NCOA2: variants seen among roughly 807,000 people sequenced by gnomAD.
The protein encoded by NCOA2 is class E basic helix-loop-helix protein 75.
NCOA2 carries 21 observed loss-of-function variants against 145.1 expected under a neutral mutation model. The observed-to-expected ratio is 0.14, with a 90% CI of 0.10 to 0.21. The LOEUF (loss-of-function observed/expected upper bound fraction) is 0.21. NCOA2 is among the 10% of genes least tolerant of loss of function. The pLI, the probability that NCOA2 is intolerant of heterozygous loss-of-function variation, is 1.00. For synonymous variants in NCOA2, 619 were observed against 637.5 expected (o/e 0.97, Z 0.44); for missense variants, 1,472 against 1,837.6 (o/e 0.80, Z 3.64).
intron 1 of NCOA2, among the ~76,000 whole-genome samples, chr8:70,364,058 A>T (rs941609354): frequency 1.3e-5 from 2 of 152,094 alleles, no homozygotes; most frequent in African/African-American, 4.8e-5. Flanking sequence ...GAAAAAAAAA[A>T]TGCTGAAGAG....
At chr8:70,438,669 C>T in the NCOA2 span, among the ~76,000 whole-genome samples, 11 of 152,234 alleles carry the variant, frequency 7.2e-5, no homozygotes, top group East Asian at 2.1e-3. Context: ...GGACTCGTTG[C>T]CATTGAATTT....
At chr8:70,123,785 G>T in intron 21 of NCOA2, 99 bp downstream of exon 21, 4 of 965,808 alleles carry the variant, frequency 4.1e-6, no homozygotes, top group Non-Finnish European at 5.9e-6. Flanking sequence ...TGTGGGAGTT[G>T]GTGGCTAAAG....
chr8:70,388,923 T>G (rs1812919485), intron 1 of NCOA2, among the ~76,000 whole-genome samples: 1 of 152,146 alleles, frequency 6.6e-6, no homozygotes, highest in Non-Finnish European at 1.5e-5. Flanking sequence ...TCTCAGTGAA[T>G]TTTTGCACAT....
chr8:70,261,583 A>G (rs924073070), intron 2 of NCOA2, among the ~76,000 whole-genome samples: 1 of 152,038 alleles, frequency 6.6e-6, no homozygotes, highest in African/African-American at 2.4e-5. Flanking sequence ...CTAAAACTTA[A>G]AGTATAATAA....
intron 1 of NCOA2, among the ~76,000 whole-genome samples, chr8:70,323,601 T>C (rs1806287734): frequency 6.6e-6 from 1 of 152,190 alleles, no homozygotes; most frequent in Non-Finnish European, 1.5e-5. Context: ...TTAAGTCCTT[T>C]GCTAATTATT....
intron 3 of NCOA2, among the ~76,000 whole-genome samples, chr8:70,214,995 C>T (rs1446206623): frequency 2.0e-5 from 3 of 152,146 alleles, no homozygotes; most frequent in South Asian, 4.1e-4. Flanking sequence ...TTCATATATG[C>T]ATCTCTAAAT....
intron 2 of NCOA2, among the ~76,000 whole-genome samples, chr8:70,287,900 G>A (rs749083925): frequency 6.6e-6 from 1 of 152,072 alleles, no homozygotes. Context: ...AAAATTACTA[G>A]TTAATTCTTT....
chr8:70,131,754 C>A, intron 16 of NCOA2, 83 bp downstream of exon 16: 2 of 1,380,928 alleles, frequency 1.4e-6, no homozygotes, highest in Non-Finnish European at 9.7e-7. Flanking sequence ...AAAAGCAGAC[C>A]GTGGAGTACC....
chr8:70,440,110 C>A, the NCOA2 span, among the ~76,000 whole-genome samples: 1 of 152,022 alleles, frequency 6.6e-6, no homozygotes, highest in Non-Finnish European at 1.5e-5. Flanking sequence ...CACTGTGAAG[C>A]CCCATCTCTA....
At chr8:70,132,743 T>G (rs1281039583) in intron 15 of NCOA2, among the ~76,000 whole-genome samples, 2 of 152,164 alleles carry the variant, frequency 1.3e-5, no homozygotes, top group African/African-American at 4.8e-5. Context: ...TTTTGTATTT[T>G]TTTGTAGAGA....
intron 4 of NCOA2, among the ~76,000 whole-genome samples, chr8:70,210,433 T>C (rs1476340184): frequency 6.6e-6 from 1 of 152,210 alleles, no homozygotes; most frequent in African/African-American, 2.4e-5. Context: ...CTCTATTTGA[T>C]GGCAGTCACA....
chr8:70,278,779 CA>C (rs533513113), intron 2 of NCOA2, among the ~76,000 whole-genome samples: 2 of 151,934 alleles, frequency 1.3e-5, no homozygotes, highest in Non-Finnish European at 2.9e-5. Context: ...CCAGGCTGGA[CA>C]AATGGCAAAA....
chr8:70,246,774 A>G (rs904464474), intron 2 of NCOA2, among the ~76,000 whole-genome samples: 1 of 152,256 alleles, frequency 6.6e-6, no homozygotes, highest in South Asian at 2.1e-4. Context: ...TATGAGTTTG[A>G]GTACTGTAGA....
At chr8:70,228,311 A>G (rs1194830282) in intron 2 of NCOA2, among the ~76,000 whole-genome samples, 3 of 152,206 alleles carry the variant, frequency 2.0e-5, no homozygotes, top group Non-Finnish European at 4.4e-5. Context: ...GCATATTGCT[A>G]TCATTGGGAT....
At chr8:70,361,321 C>T (rs1471214563) in intron 1 of NCOA2, among the ~76,000 whole-genome samples, 1 of 151,876 alleles carries the variant, frequency 6.6e-6, no homozygotes, top group Non-Finnish European at 1.5e-5. Flanking sequence ...ATGGTGAAAC[C>T]CTGTCTCTAT....
intron 9 of NCOA2, among the ~76,000 whole-genome samples, 158 bp from the exon 10 acceptor site, chr8:70,159,810 A>G (rs933861252): frequency 1.6e-4 from 25 of 152,262 alleles, no homozygotes; most frequent in Non-Finnish European, 2.5e-4. Context: ...AGATTGAAAC[A>G]TAACATTTTA....
At chr8:70,352,244 T>A (rs1449800699) in intron 1 of NCOA2, among the ~76,000 whole-genome samples, 2 of 152,128 alleles carry the variant, frequency 1.3e-5, no homozygotes, top group African/African-American at 4.8e-5. Flanking sequence ...GTTAGGTAAG[T>A]GCTATTATGT....
chr8:70,132,663 T>G (rs904158886), intron 15 of NCOA2, among the ~76,000 whole-genome samples: 2 of 152,056 alleles, frequency 1.3e-5, no homozygotes, highest in African/African-American at 4.8e-5. Context: ...CTCCCGGGCT[T>G]AGGTGATCCT....
chr8:70,415,327 CCAAA>C, the NCOA2 span, among the ~76,000 whole-genome samples: 6 of 151,674 alleles, frequency 4.0e-5, no homozygotes, highest in Admixed American at 3.9e-4. Flanking sequence ...AGACTCTGTC[CCAAA>C]CAAACAAACA....
Sources: gnomAD v4.1 joint callset for allele counts (sites outside exome capture counted in the v4.1 genomes callset) on GRCh38, gnomAD v4.1.1 for gene constraint, MANE v1.5 for transcripts, NCBI Gene and HGNC (gene_info 2026-07-23, HGNC 2026-07-21) for gene names.